CDC45: variants seen among roughly 807,000 people sequenced by gnomAD.
CDC45 encodes cell division control protein 45 homolog.
In CDC45, 54 loss-of-function variants were observed where a neutral mutation model predicts 77.8. The ratio of observed to expected loss-of-function variants is 0.69; its 90% CI spans 0.56 to 0.87. The LOEUF is 0.87. Ranked by LOEUF, CDC45 falls within the 40% of genes least tolerant of loss-of-function variation. The probability of loss-of-function intolerance (pLI) is 0.00; values close to 1 mark genes in which losing one functional copy is unlikely to be tolerated. For missense variants in CDC45, 649 were observed against 721.6 expected (o/e 0.90, Z 1.15); for synonymous variants, 260 against 272.1 (o/e 0.96, Z 0.44).
chr22:19,519,034 A>C (rs1933963056), intron 18 of CDC45, 125 bp downstream of exon 18: 2 of 753,564 alleles, frequency 2.7e-6, no homozygotes, highest in Non-Finnish European at 4.7e-6. Context: ...AGGGTTCTTG[A>C]GATTGGAGCC....
intron 6 of CDC45, 102 bp downstream of exon 6, chr22:19,494,484 TGAGTTTA>T (rs1568920764): frequency 3.8e-6 from 6 of 1,563,848 alleles, no homozygotes; most frequent in Non-Finnish European, 5.2e-6. Context: ...GATAATTTAT[TGAGTTTA>T]GAACCTTTGG....
intron 13 of CDC45, among the ~76,000 whole-genome samples, chr22:19,509,141 G>A (rs1249131191): frequency 6.6e-6 from 1 of 151,708 alleles, no homozygotes; most frequent in African/African-American, 2.4e-5. Flanking sequence ...TTTTTAGCAT[G>A]TCTGTCTAGT....
intron 5 of CDC45, among the ~76,000 whole-genome samples, chr22:19,484,886 A>T (rs1423182918): frequency 2.0e-5 from 3 of 148,470 alleles, no homozygotes; most frequent in Non-Finnish European, 4.5e-5. Flanking sequence ...ATATTTTCTT[A>T]CCTCTTGCCC....
At chr22:19,505,707 T>A (rs1209046234) in intron 10 of CDC45, among the ~76,000 whole-genome samples, 1 of 152,196 alleles carries the variant, frequency 6.6e-6, no homozygotes, top group Non-Finnish European at 1.5e-5. Flanking sequence ...CTCCAGCACA[T>A]CCCTGTAAAG....
intron 18 of CDC45, among the ~76,000 whole-genome samples, chr22:19,519,675 G>T (rs903406782): frequency 3.3e-5 from 5 of 152,236 alleles, no homozygotes; most frequent in Non-Finnish European, 5.9e-5. Flanking sequence ...CAGGCCTGGG[G>T]TCCTCCCCAC....
chr22:19,482,209 T>C (rs2089994256), intron 3 of CDC45, among the ~76,000 whole-genome samples: 1 of 152,190 alleles, frequency 6.6e-6, no homozygotes, highest in African/African-American at 2.4e-5. Context: ...CCTGTTATTA[T>C]GTCAAGGACC....
At chr22:19,485,224 A>G (rs1292860277) in intron 5 of CDC45, among the ~76,000 whole-genome samples, 2 of 152,232 alleles carry the variant, frequency 1.3e-5, no homozygotes, top group Non-Finnish European at 2.9e-5. Flanking sequence ...TTCATGTTCT[A>G]CAGATAAGTC....
intron 5 of CDC45, among the ~76,000 whole-genome samples, chr22:19,492,395 C>T (rs780526150): frequency 3.3e-5 from 5 of 151,850 alleles, no homozygotes; most frequent in Non-Finnish European, 7.4e-5. Flanking sequence ...CAGTTCTAAA[C>T]TTTCTTCTAT....
intron 7 of CDC45, among the ~76,000 whole-genome samples, chr22:19,496,903 T>C (rs1435079794): frequency 6.6e-6 from 1 of 152,102 alleles, no homozygotes; most frequent in Non-Finnish European, 1.5e-5. Flanking sequence ...CTCTTTAATA[T>C]TCAAATAATT....
intron 13 of CDC45, 45 bp downstream of exon 13, chr22:19,508,736 T>C (rs765065122): frequency 1.3e-6 from 2 of 1,593,894 alleles, no homozygotes; most frequent in East Asian, 4.5e-5. Context: ...CACCACTGGT[T>C]CTCACACTGC....
chr22:19,494,635 G>A, intron 6 of CDC45: 1 of 1,383,416 alleles, frequency 7.2e-7, no homozygotes, highest in Non-Finnish European at 9.9e-7. Flanking sequence ...CATGGCCCTG[G>A]CTCTTTATTT....
intron 5 of CDC45, among the ~76,000 whole-genome samples, chr22:19,485,417 A>G (rs1440936925): frequency 6.6e-6 from 1 of 152,242 alleles, no homozygotes; most frequent in East Asian, 1.9e-4. Context: ...TCAGGTATCA[A>G]ACATGAGTTA....
intron 8 of CDC45, 68 bp downstream of exon 8, chr22:19,497,515 T>C: frequency 7.5e-7 from 1 of 1,327,486 alleles, no homozygotes; most frequent in Non-Finnish European, 1.1e-6. Flanking sequence ...TAAGCAGCTC[T>C]GTCCTCCCAC....
Position 19,509,693 on chromosome 22 carries a change from T to C in CDC45, c.1217+1002T>C, listed in dbSNP as rs747462414. 1.3e-4 allele frequency among the ~76,000 whole-genome samples: 20 copies of C among 152,234 alleles called. 1 individual carries two copies. Among genetic ancestry groups the C allele is most frequent in the Non-Finnish European group, 2.9e-4 (20 of 68,038 alleles). On this transcript the variant is annotated intron_variant, in intron 13 of 18. Coordinates refer to ENST00000263201, the MANE Select transcript of CDC45 (RefSeq NM_003504.5). ...TGAGGGGATTTGACTTTGCTACTTC[T>C]CTCATGCTTTTTATGTATAAATTTC...
In CDC45 at chr22:19,516,927, C is replaced by T. The variant is rs367948407; in HGVS notation, c.1636+34C>T. On this transcript the variant is annotated intron_variant, in intron 17 of 18. Transcript: ENST00000263201. ...CTCCTGCCACTCTGCCACACTTTCCCACCTGACCCTTTGAGGCTATTGCAG... is the reference window on the plus strand; with the variant it reads ...CTCCTGCCACTCTGCCACACTTTCCTACCTGACCCTTTGAGGCTATTGCAG... 7.0e-6 allele frequency: 11 copies of T among 1,572,314 alleles called. No individual in the cohort carries two copies. In the African/African-American group the frequency reaches 1.4e-4, roughly 19 times the overall value.
intron 5 of CDC45, among the ~76,000 whole-genome samples, chr22:19,486,291 A>T (rs1043632693): frequency 6.6e-6 from 1 of 152,248 alleles, no homozygotes; most frequent in African/African-American, 2.4e-5. Flanking sequence ...AATTAATAAT[A>T]TCCTAATATC....
rs13447282 is a variant in CDC45 at position 19,516,663 on chromosome 22, G to C, written c.1559+18G>C. ...AGGAAGAAGTGAGCAGCTTCCACTC[G>C]TCCTGGGACTGGAGGGTCGGGGGTG... On this transcript the variant is annotated intron_variant, in intron 16 of 18. Coordinates refer to ENST00000263201, the MANE Select transcript of CDC45 (RefSeq NM_003504.5). The C allele has an allele frequency of 2.8e-5, 44 of 1,597,172 alleles. No homozygotes were observed. Among genetic ancestry groups the C allele is most frequent in the Admixed American group, 1.2e-4 (7 of 59,828 alleles).
chr22:19,494,866 C>T (rs768509916), intron 6 of CDC45, among the ~76,000 whole-genome samples: 1 of 152,104 alleles, frequency 6.6e-6, no homozygotes, highest in Non-Finnish European at 1.5e-5. Flanking sequence ...GCACTCCTGC[C>T]GCTGCCACAG....
intron 13 of CDC45, among the ~76,000 whole-genome samples, chr22:19,509,317 C>T (rs181987247): frequency 4.6e-5 from 7 of 152,304 alleles, no homozygotes; most frequent in African/African-American, 1.2e-4. Flanking sequence ...GAGAAGTTCA[C>T]GAAAGCTAGC....
Sources: gnomAD v4.1 joint callset for allele counts (sites outside exome capture counted in the v4.1 genomes callset) on GRCh38, gnomAD v4.1.1 for gene constraint, MANE v1.5 for transcripts, NCBI Gene and HGNC (gene_info 2026-07-23, HGNC 2026-07-21) for gene names.